The following WDR25 variants were observed in gnomAD, a reference collection of about 807,000 sequenced individuals.
WDR25 encodes WD repeat domain 25, also known as WD repeat-containing protein 25.
Under a neutral mutation model 47.7 loss-of-function variants are expected in WDR25, and 35 were observed. The ratio of observed to expected loss-of-function variants is 0.73; its 90% CI spans 0.56 to 0.97. The LOEUF is 0.97. WDR25 is among the 50% of genes least tolerant of loss of function. The pLI, the probability that WDR25 is intolerant of heterozygous loss-of-function variation, is 0.00. For synonymous variants in WDR25, 248 were observed against 278.9 expected (o/e 0.89, Z 1.10); for missense variants, 634 against 704.7 (o/e 0.90, Z 1.14).
rs140063063 is a variant in WDR25, at chr14:100,403,171, A to G, written c.822+21425A>G. On this transcript the variant is annotated intron_variant, in intron 2 of 6. Transcript: ENST00000402312. ...TTCTTTGAAAACTGATTTTTTAAGA[A>G]TAGAAATACAAATTGGTATTTGATG... Among the ~76,000 whole-genome samples the G allele has an allele frequency of 4.2e-3, 638 of 152,374 alleles. 3 individuals are homozygous for G. The highest frequency in any genetic ancestry group is 7.4e-3 in the Non-Finnish European group (503 of 68,042).
intron 2 of WDR25, among the ~76,000 whole-genome samples, chr14:100,413,500 G>A (rs1312631773): frequency 2.0e-5 from 3 of 149,988 alleles, no homozygotes; most frequent in South Asian, 2.1e-4. Context: ...TGCGACCTCC[G>A]CCTCCCGGGT....
intron 2 of WDR25, among the ~76,000 whole-genome samples, chr14:100,438,154 T>A (rs187560501): frequency 6.6e-6 from 1 of 152,348 alleles, no homozygotes; most frequent in Admixed American, 6.5e-5. Context: ...AATTTCCAAG[T>A]CTTGTAATGA....
Position 100,428,799 on chromosome 14 carries a change from A to G in WDR25, c.823-39222A>G, listed in dbSNP as rs2140227231. 6.6e-6 allele frequency among the ~76,000 whole-genome samples: 1 copy of G among 152,326 alleles called. No homozygotes were observed. The highest frequency in any genetic ancestry group is 1.5e-5 in the Non-Finnish European group (1 of 68,022). On this transcript the variant is annotated intron_variant, in intron 2 of 6. Transcript: ENST00000402312. The surrounding 1 kb of genome is among the most constrained non-coding windows in gnomAD (Gnocchi z 4.3). ...TACTTTGAATGTAATTTAGTTGCAC[A>G]TTCATATTTAAAATCTCATATGAAT...
intron 2 of WDR25, among the ~76,000 whole-genome samples, chr14:100,416,808 G>A (rs886886558): frequency 1.3e-5 from 2 of 152,188 alleles, no homozygotes; most frequent in African/African-American, 2.4e-5. Context: ...CTTGGTGCTC[G>A]TTACTGACTG....
At chr14:100,459,931 T>C (rs1428012954) in intron 2 of WDR25, among the ~76,000 whole-genome samples, 2,897 of 95,430 alleles carry the variant, frequency 0.03, 258 homozygotes, top group African/African-American at 0.13. Flanking sequence ...TATATATATA[T>C]ATATATATAC....
At chr14:100,510,533 C>G (rs1420976444) in intron 4 of WDR25, among the ~76,000 whole-genome samples, 1 of 151,702 alleles carries the variant, frequency 6.6e-6, no homozygotes, top group Non-Finnish European at 1.5e-5. Context: ...GTCAGGAGTT[C>G]AAGACCAGCC....
At chr14:100,386,615 C>T (rs1897023003) in intron 2 of WDR25, among the ~76,000 whole-genome samples, 2 of 152,026 alleles carry the variant, frequency 1.3e-5, no homozygotes, top group Admixed American at 1.3e-4. Flanking sequence ...GCTTTGAGGC[C>T]AGGCGCGGTG....
intron 2 of WDR25, among the ~76,000 whole-genome samples, chr14:100,465,630 C>T (rs1899603946): frequency 6.6e-6 from 1 of 152,208 alleles, no homozygotes; most frequent in African/African-American, 2.4e-5. Flanking sequence ...TTGGATTACT[C>T]CCCTCTTTTG....
At chr14:100,417,949 T>TC (rs1269052508) in intron 2 of WDR25, among the ~76,000 whole-genome samples, 1 of 151,688 alleles carries the variant, frequency 6.6e-6, no homozygotes, top group East Asian at 1.9e-4. Flanking sequence ...TTATGTCTTT[T>TC]TTTTTTTTTT....
At chr14:100,464,134 A>G (rs1371392769) in intron 2 of WDR25, among the ~76,000 whole-genome samples, 1 of 152,130 alleles carries the variant, frequency 6.6e-6, no homozygotes, top group African/African-American at 2.4e-5. Flanking sequence ...CCTCCCTGCC[A>G]ACCCCCAGCC....
intron 2 of WDR25, among the ~76,000 whole-genome samples, chr14:100,402,009 G>A (rs561101460): frequency 4.6e-5 from 7 of 152,344 alleles, no homozygotes; most frequent in Non-Finnish European, 1.0e-4. Flanking sequence ...TTGCTCAATC[G>A]TGCGAGGCTT....
intron 4 of WDR25, among the ~76,000 whole-genome samples, chr14:100,524,193 A>T (rs1404536795): frequency 6.6e-6 from 1 of 151,954 alleles, no homozygotes; most frequent in African/African-American, 2.4e-5. Flanking sequence ...TGGCAGGGGC[A>T]TGTAGGTAGT....
intron 2 of WDR25, among the ~76,000 whole-genome samples, chr14:100,447,551 G>T: frequency 6.6e-6 from 1 of 152,144 alleles, no homozygotes; most frequent in Admixed American, 6.5e-5. Context: ...GGAGGTTGGG[G>T]TAATCTGGGG....
chr14:100,506,056 C>T lies in WDR25; in HGVS notation c.1102-19814C>T, dbSNP rs1038114357. Among the ~76,000 whole-genome samples the T allele has an allele frequency of 6.6e-6, 1 of 152,138 alleles. No individual in the cohort carries two copies. The highest frequency in any genetic ancestry group is 2.4e-5 in the African/African-American group (1 of 41,420). ...GTACTCAACAGTTAGTTTTTCAACC[C>T]TTGCCCGCTCCCTCCCTCCACCCTC... is the stretch of plus-strand genomic sequence containing the variant. On this transcript the variant is annotated intron_variant, in intron 4 of 6. Coordinates refer to ENST00000402312, the MANE Select transcript of WDR25 (RefSeq NM_001161476.3). The surrounding 1 kb of genome is among the most constrained non-coding windows in gnomAD (Gnocchi z 4.8).
rs59891493 is a variant in WDR25 at position 100,390,969 on chromosome 14, T to C, written c.822+9223T>C. 1.0e-3 allele frequency among the ~76,000 whole-genome samples: 159 copies of C among 152,348 alleles called. 3 individuals are homozygous for C. In the East Asian group the frequency reaches 0.017, roughly 16 times the overall value. ...GTTCATTCTAAACAAGCATTTGTTA[T>C]CCTGATTCTTGTCCATTCATCTCCT... On this transcript the variant is annotated intron_variant, in intron 2 of 6. Coordinates refer to ENST00000402312, the MANE Select transcript of WDR25 (RefSeq NM_001161476.3).
chr14:100,519,758 GTATATATAGTA>G (rs1203912306), intron 4 of WDR25, among the ~76,000 whole-genome samples: 7 of 130,946 alleles, frequency 5.3e-5, no homozygotes, highest in East Asian at 4.2e-4. Context: ...TATATAGTGT[GTATATATAGTA>G]TATATATAGT....
At chr14:100,399,524 C>T (rs4900464) in intron 2 of WDR25, among the ~76,000 whole-genome samples, 43,957 of 151,962 alleles carry the variant, frequency 0.29, 6,821 homozygotes, top group East Asian at 0.52. Flanking sequence ...TCCTCCTTTC[C>T]GTCCCCCTGT....
intron 2 of WDR25, among the ~76,000 whole-genome samples, chr14:100,466,676 C>G (rs907074755): frequency 1.3e-5 from 2 of 152,204 alleles, no homozygotes; most frequent in African/African-American, 4.8e-5. Flanking sequence ...AGGCCCGAGG[C>G]CTGCCAGCAG....
chr14:100,498,323 C>T lies in WDR25; in HGVS notation c.1101+14199C>T, dbSNP rs527867359. 6.6e-6 allele frequency among the ~76,000 whole-genome samples: 1 copy of T among 152,304 alleles called. No homozygotes were observed. Among genetic ancestry groups the T allele is most frequent in the South Asian group, 2.1e-4 (1 of 4,830 alleles). ...AGGGCCACGTTCCGTAACAAGCGGG[C>T]CATTGCCACGCCCAGTTCAGAAGGG... On this transcript the variant is annotated intron_variant, in intron 4 of 6. Coordinates refer to ENST00000402312, the MANE Select transcript of WDR25 (RefSeq NM_001161476.3). The surrounding 1 kb of genome is among the most constrained non-coding windows in gnomAD (Gnocchi z 4.2).
Sources: allele counts gnomAD v4.1 joint callset (sites outside exome capture counted in the v4.1 genomes callset), GRCh38; gene constraint gnomAD v4.1.1; non-coding constraint Gnocchi (gnomAD v3.1); transcripts MANE v1.5; gene names NCBI Gene and HGNC (gene_info 2026-07-23, HGNC 2026-07-21).